The following UNC79 variants were observed in gnomAD, a reference collection of about 807,000 sequenced individuals.
The protein encoded by UNC79 is protein unc-79 homolog.
UNC79 carries 37 observed loss-of-function variants against 283.1 expected under a neutral mutation model. That is an observed-to-expected ratio of 0.13 (90% CI 0.10 to 0.17). The LOEUF (loss-of-function observed/expected upper bound fraction) is 0.17, where lower values mean the gene tolerates loss of function less well. Ranked by LOEUF, UNC79 falls within the 10% of genes least tolerant of loss-of-function variation. The probability of loss-of-function intolerance (pLI) is 1.00; values close to 1 mark genes in which losing one functional copy is unlikely to be tolerated. For missense variants in UNC79, 2,272 were observed against 3,211.1 expected (o/e 0.71, Z 7.07); for synonymous variants, 1,107 against 1,200.2 (o/e 0.92, Z 1.61).
exon 16 of UNC79, chr14:93,572,760 T>A (rs1225867666): frequency 6.2e-7 from 1 of 1,614,060 alleles, no homozygotes; most frequent in African/African-American, 1.3e-5. Context: ...TTTTATTAGT[T>A]GTCGGTTTAC....
chr14:93,336,944 A>T (rs1023117407), intron 1 of UNC79, among the ~76,000 whole-genome samples: 5 of 152,100 alleles, frequency 3.3e-5, no homozygotes, highest in Non-Finnish European at 7.4e-5. Context: ...ATGGCTTCAC[A>T]CTATCCCCTT....
intron 14 of UNC79, among the ~76,000 whole-genome samples, chr14:93,561,388 G>C (rs184038376): frequency 5.3e-5 from 8 of 152,168 alleles, no homozygotes; most frequent in Non-Finnish European, 1.0e-4. Flanking sequence ...GGGAGGTCTT[G>C]CTGGACCTGT....
intron 31 of UNC79, among the ~76,000 whole-genome samples, chr14:93,635,766 T>A (rs530829362): frequency 3.3e-5 from 5 of 152,308 alleles, no homozygotes; most frequent in Admixed American, 3.3e-4. Flanking sequence ...TTCTCTTCAT[T>A]TTAGTGATAT....
chr14:93,561,166 A>G (rs1230838897), intron 14 of UNC79, among the ~76,000 whole-genome samples: 2 of 152,144 alleles, frequency 1.3e-5, no homozygotes, highest in Non-Finnish European at 2.9e-5. Context: ...TCAGTGATGT[A>G]TGTAGTTGGG....
intron 4 of UNC79, among the ~76,000 whole-genome samples, chr14:93,483,205 T>G (rs1277629280): frequency 1.3e-5 from 2 of 152,216 alleles, no homozygotes; most frequent in Non-Finnish European, 2.9e-5. Context: ...CGCTTTCTCT[T>G]TATTCCCTTG....
At position 93,474,350 on chromosome 14, in the gene UNC79, G is replaced by T; in HGVS notation, c.405G>T (p.Val135=). 6.5e-7 allele frequency: 1 copy of T among 1,535,982 alleles called. No individual in the cohort carries two copies. The highest frequency in any genetic ancestry group is 1.2e-5 in the South Asian group (1 of 84,026). The stretch of plus-strand genomic sequence containing the variant: ...ACCAAGGCCTCTACGTGACTTTGGT[G>T]ACCCTCCTGGATCTAGTTCCTTTAC... Residue 135 remains valine (V), a synonymous_variant, in exon 3 of 49, where the codon GTG becomes GTT. Coordinates refer to ENST00000555664, the Ensembl canonical transcript of UNC79. This position sits in a 1 kb window ranked among gnomAD's most constrained non-coding sequence, Gnocchi z 4.1.
chr14:93,524,123 C>A, intron 8 of UNC79, 81 bp downstream of exon 8: 1 of 1,477,288 alleles, frequency 6.8e-7, no homozygotes, highest in Non-Finnish European at 9.4e-7. Flanking sequence ...TTGCATCCTT[C>A]TCTGTAAAGC....
At chr14:93,691,388 C>A in intron 45 of UNC79, 1 of 334,554 alleles carries the variant, frequency 3.0e-6, no homozygotes, top group Non-Finnish European at 5.7e-6. Flanking sequence ...TACTATTATC[C>A]CCATTTTACA....
At chr14:93,493,901 A>ATATTTTTTT (rs1251701550) in intron 5 of UNC79, among the ~76,000 whole-genome samples, 4 of 49,248 alleles carry the variant, frequency 8.1e-5, no homozygotes, top group Non-Finnish European at 9.9e-5. Context: ...ATATATATAT[A>ATATTTTTTT]TTTTTTTTTT....
intron 1 of UNC79, among the ~76,000 whole-genome samples, chr14:93,404,549 A>C (rs2140036410): frequency 7.4e-6 from 1 of 135,028 alleles, no homozygotes; most frequent in East Asian, 2.0e-4. Context: ...GTAATATAAT[A>C]TATATGTAAT....
chr14:93,609,280 G>A (rs1284733903), intron 26 of UNC79, among the ~76,000 whole-genome samples: 2 of 152,178 alleles, frequency 1.3e-5, no homozygotes, highest in East Asian at 1.9e-4. Flanking sequence ...AGGGAAAAAC[G>A]GCTCCATTCT....
intron 1 of UNC79, among the ~76,000 whole-genome samples, chr14:93,466,644 A>C (rs2057196011): frequency 6.6e-6 from 1 of 152,220 alleles, no homozygotes; most frequent in Non-Finnish European, 1.5e-5. Flanking sequence ...GTTATTGGGA[A>C]CAGCAGGCCT....
intron 32 of UNC79, among the ~76,000 whole-genome samples, chr14:93,639,678 G>C (rs949626601): frequency 6.6e-6 from 1 of 152,202 alleles, no homozygotes; most frequent in South Asian, 2.1e-4. Context: ...GTTTGGATTT[G>C]CAAATGTTCT....
chr14:93,475,256 T>C (rs1027269546), intron 3 of UNC79, among the ~76,000 whole-genome samples: 7 of 152,158 alleles, frequency 4.6e-5, no homozygotes, highest in Non-Finnish European at 1.0e-4. Flanking sequence ...CTCTGATAAT[T>C]TGGTCCCTGA....
chr14:93,338,826 T>C (rs1419806057), intron 1 of UNC79, among the ~76,000 whole-genome samples: 1 of 152,152 alleles, frequency 6.6e-6, no homozygotes, highest in Non-Finnish European at 1.5e-5. Flanking sequence ...GGAGGATCAT[T>C]TGAGCCTGGG....
chr14:93,335,442 G>A (rs1285591784), intron 1 of UNC79, among the ~76,000 whole-genome samples: 1 of 152,234 alleles, frequency 6.6e-6, no homozygotes, highest in Non-Finnish European at 1.5e-5. Flanking sequence ...TTGTACTTAA[G>A]GAGCTTAGAA....
At position 93,623,804 on chromosome 14, in the gene UNC79, A is replaced by T. The variant is rs2067328353; in HGVS notation, c.5608+963A>T. On this transcript the variant is annotated intron_variant, in intron 30 of 48. Coordinates refer to ENST00000555664, the Ensembl canonical transcript of UNC79. ...GCTACTCAGGAGGCTGAGGCAGGAG[A>T]ATTGCTTGAACCTGGGAGGCGGAGG... is the stretch of plus-strand genomic sequence containing the variant. 3.9e-5 allele frequency among the ~76,000 whole-genome samples: 6 copies of T among 152,138 alleles called. No individual in the cohort carries two copies. In the South Asian group the frequency reaches 1.2e-3, roughly 32 times the overall value.
At chr14:93,518,904 G>A (rs1420214453) in intron 7 of UNC79, among the ~76,000 whole-genome samples, 1 of 151,912 alleles carries the variant, frequency 6.6e-6, no homozygotes, top group African/African-American at 2.4e-5. Flanking sequence ...TATGCTGTAT[G>A]ATGTAGCTCC....
chr14:93,338,583 T>G (rs2053633157), intron 1 of UNC79, among the ~76,000 whole-genome samples: 1 of 152,108 alleles, frequency 6.6e-6, no homozygotes, highest in Admixed American at 6.5e-5. Flanking sequence ...TACAATTTAG[T>G]AAGAACAAGA....
Sources: allele counts gnomAD v4.1 joint callset (sites outside exome capture counted in the v4.1 genomes callset), GRCh38; gene constraint gnomAD v4.1.1; non-coding constraint Gnocchi (gnomAD v3.1); transcripts MANE v1.5; gene names NCBI Gene and HGNC (gene_info 2026-07-23, HGNC 2026-07-21).